The following CHM variants were observed in gnomAD, a reference collection of about 807,000 sequenced individuals.
CHM encodes rab proteins geranylgeranyltransferase component A 1.
Under a neutral mutation model 49.0 loss-of-function variants are expected in CHM, and 10 were observed. The ratio of observed to expected loss-of-function variants is 0.20; its 90% CI spans 0.13 to 0.35. The LOEUF is 0.35. Among genes scored for constraint, CHM ranks in the 10% least tolerant of loss-of-function variants. The pLI, the probability that CHM is intolerant of heterozygous loss-of-function variation, is 1.00. For synonymous variants in CHM, 184 were observed against 167.5 expected, an observed-to-expected ratio of 1.10 and a Z score of -0.76; for missense variants, 455 against 478.4, an observed-to-expected ratio of 0.95 and a Z score of 0.46.
intron 8 of CHM, among the ~76,000 whole-genome samples, chrX:85,948,092 T>C (rs1929515292): frequency 9.0e-6 from 1 of 111,320 alleles, no homozygotes; most frequent in East Asian, 2.8e-4. Flanking sequence ...AAAAAAAATG[T>C]GAAGTTTGTT....
chrX:85,925,466 G>A (rs1323311855), intron 8 of CHM, among the ~76,000 whole-genome samples: 1 of 111,361 alleles, frequency 9.0e-6, no homozygotes, highest in Non-Finnish European at 1.9e-5. Flanking sequence ...CTGCCACAGA[G>A]ATACCTAAGC....
chrX:85,949,791 T>A (rs1459449701), intron 8 of CHM, among the ~76,000 whole-genome samples: 2 of 106,433 alleles, frequency 1.9e-5, no homozygotes, highest in African/African-American at 6.9e-5. Context: ...CTTCCAGTAG[T>A]AAACTGAACT....
intron 8 of CHM, among the ~76,000 whole-genome samples, chrX:85,915,135 C>A (rs918903277): frequency 1.4e-4 from 16 of 111,904 alleles, no homozygotes; most frequent in Non-Finnish European, 2.8e-4. Context: ...ATTCTGGAAA[C>A]CCTGGCATCA....
intron 11 of CHM, among the ~76,000 whole-genome samples, chrX:85,898,739 A>G (rs73504299): frequency 0.02 from 2,279 of 111,697 alleles, 55 homozygotes; most frequent in African/African-American, 0.07. Context: ...CTGCTGTACT[A>G]TTTCTTCTAC....
At chrX:85,943,699 A>G (rs759968502) in intron 8 of CHM, among the ~76,000 whole-genome samples, 35 of 112,095 alleles carry the variant, frequency 3.1e-4, no homozygotes, top group Non-Finnish European at 5.8e-4. Context: ...AGAAAATAAC[A>G]CAATATTTTT....
intron 8 of CHM, among the ~76,000 whole-genome samples, chrX:85,919,564 T>G (rs1927657823): frequency 1.8e-5 from 2 of 110,686 alleles, no homozygotes; most frequent in Admixed American, 1.9e-4. Flanking sequence ...TTCAACAATA[T>G]GATTTATTAA....
intron 12 of CHM, among the ~76,000 whole-genome samples, chrX:85,890,291 C>G (rs890545662): frequency 1.8e-5 from 2 of 112,152 alleles, no homozygotes; most frequent in Non-Finnish European, 3.8e-5. Context: ...AAGAAGCTAA[C>G]ACAGATAAAA....
chrX:86,020,239 T>C (rs1933480048), intron 2 of CHM, among the ~76,000 whole-genome samples: 1 of 111,239 alleles, frequency 9.0e-6, no homozygotes, highest in Non-Finnish European at 1.9e-5. Context: ...TCAGCTGAAA[T>C]GTCACCTCTG....
intron 7 of CHM, among the ~76,000 whole-genome samples, chrX:85,956,727 A>G (rs1355323576): frequency 8.9e-5 from 10 of 112,048 alleles, no homozygotes; most frequent in African/African-American, 2.9e-4. Flanking sequence ...TACTGAAAAT[A>G]TTAAACAACT....
intron 2 of CHM, among the ~76,000 whole-genome samples, chrX:86,022,050 T>C (rs1164799414): frequency 1.8e-5 from 2 of 111,812 alleles, no homozygotes; most frequent in Admixed American, 9.5e-5. Flanking sequence ...TAGGGAATTA[T>C]TGTTGAATGG....
At chrX:85,879,594 CA>C (rs1304876708) in intron 12 of CHM, among the ~76,000 whole-genome samples, 1 of 111,520 alleles carries the variant, frequency 9.0e-6, no homozygotes, top group African/African-American at 3.3e-5. Flanking sequence ...TTTGCATTTA[CA>C]GAGTTATGGG....
chrX:85,909,397 T>C (rs934322902), intron 9 of CHM, among the ~76,000 whole-genome samples: 1 of 111,276 alleles, frequency 9.0e-6, no homozygotes. Flanking sequence ...GGACTTCCTA[T>C]ACTAGATTCA....
intron 12 of CHM, among the ~76,000 whole-genome samples, chrX:85,886,648 G>A (rs976549101): frequency 9.0e-6 from 1 of 110,753 alleles, no homozygotes; most frequent in Non-Finnish European, 1.9e-5. Context: ...GAGATTATAA[G>A]GCTAGTTGTT....
At chrX:86,025,903 T>A (rs1293932739) in intron 2 of CHM, among the ~76,000 whole-genome samples, 3 of 110,474 alleles carry the variant, frequency 2.7e-5, no homozygotes, top group Non-Finnish European at 3.8e-5. Flanking sequence ...ACATAACATG[T>A]GTAAAGAAAC....
At chrX:85,931,045 G>A (rs1038086108) in intron 8 of CHM, among the ~76,000 whole-genome samples, 6 of 110,950 alleles carry the variant, frequency 5.4e-5, no homozygotes, top group Admixed American at 9.6e-5. Context: ...AAATTAAGGC[G>A]GGGATACTAA....
intron 12 of CHM, among the ~76,000 whole-genome samples, chrX:85,888,815 T>A (rs979447836): frequency 8.9e-6 from 1 of 112,055 alleles, no homozygotes; most frequent in African/African-American, 3.2e-5. Flanking sequence ...ACTGAAAAAA[T>A]TGAGGTCTCA....
chrX:85,976,875 A>AAC (rs201555478), intron 4 of CHM, among the ~76,000 whole-genome samples: 3,811 of 76,227 alleles, frequency 0.05, 75 homozygotes, highest in South Asian at 0.11. Context: ...AACACACACA[A>AAC]ACACACACAC....
intron 4 of CHM, among the ~76,000 whole-genome samples, chrX:85,973,660 G>C (rs991898512): frequency 5.4e-5 from 6 of 111,521 alleles, no homozygotes; most frequent in African/African-American, 2.0e-4. Context: ...GATTTGAATT[G>C]CATATGCTGA....
rs190053157 is a variant in CHM, at chrX:86,020,668, T to C, written c.116+6823A>G. ...TCCGATATATATGAAATACATATGA[T>C]ATATATCTCCGATATATACATCTGA... On this transcript the variant is annotated intron_variant, in intron 2 of 14. Transcript: ENST00000357749. Among the ~76,000 whole-genome samples, 202 of 104,925 alleles carry C rather than the reference T, an allele frequency of 1.9e-3. 1 individual carries two copies. The highest frequency in any genetic ancestry group is 2.9e-3 in the Admixed American group (28 of 9,522). 91.1% of individuals were successfully genotyped at this position (104,925 alleles called of 115,157 possible).
Sources: gnomAD v4.1 joint callset for allele counts (sites outside exome capture counted in the v4.1 genomes callset) on GRCh38, gnomAD v4.1.1 for gene constraint, MANE v1.5 for transcripts, NCBI Gene and HGNC (gene_info 2026-07-23, HGNC 2026-07-21) for gene names.